The following RFX3 variants were observed in gnomAD, a reference collection of about 807,000 sequenced individuals.
RFX3 encodes the protein regulatory factor X3, also known as transcription factor RFX3.
In RFX3, 14 loss-of-function variants were observed where a neutral mutation model predicts 98.6. The ratio of observed to expected loss-of-function variants is 0.14; its 90% CI spans 0.09 to 0.22. The LOEUF (loss-of-function observed/expected upper bound fraction) is 0.22, where lower values mean the gene tolerates loss of function less well. Ranked by LOEUF, RFX3 falls within the 10% of genes least tolerant of loss-of-function variation. RFX3 has a pLI of 1.00. For missense variants in RFX3, 639 were observed against 926.9 expected (o/e 0.69, Z 4.03); for synonymous variants, 383 against 328.4 (o/e 1.17, Z -1.80).
At chr9:3,502,390 G>C (rs1422604744) in intron 1 of RFX3, among the ~76,000 whole-genome samples, 3 of 152,084 alleles carry the variant, frequency 2.0e-5, no homozygotes, top group African/African-American at 7.2e-5. Flanking sequence ...GTACCTTGAA[G>C]TACATTCTAT....
intron 2 of RFX3, among the ~76,000 whole-genome samples, chr9:3,385,481 C>T (rs1051893808): frequency 1.1e-4 from 16 of 151,910 alleles, no homozygotes; most frequent in Admixed American, 3.9e-4. Flanking sequence ...GAGGCTGAGA[C>T]GGGTAGATCA....
chr9:3,275,458 C>T, intron 9 of RFX3, 42 bp downstream of exon 9: 1 of 1,153,606 alleles, frequency 8.7e-7, no homozygotes, highest in Non-Finnish European at 1.3e-6. Context: ...AGTTATCTGG[C>T]AAAACCTAGC....
chr9:3,441,494 A>C (rs1002037259), intron 1 of RFX3, among the ~76,000 whole-genome samples: 2 of 152,154 alleles, frequency 1.3e-5, no homozygotes, highest in African/African-American at 4.8e-5. Context: ...TGAGAAACGG[A>C]TGATTCTGGC....
At chr9:3,494,569 T>C (rs1850971631) in intron 1 of RFX3, among the ~76,000 whole-genome samples, 1 of 152,190 alleles carries the variant, frequency 6.6e-6, no homozygotes, top group African/African-American at 2.4e-5. Flanking sequence ...AAGGCTTCAG[T>C]AAATCATAGT....
intron 2 of RFX3, 99 bp downstream of exon 2, chr9:3,395,373 G>A: frequency 1.4e-6 from 2 of 1,381,050 alleles, no homozygotes; most frequent in South Asian, 2.5e-5. Flanking sequence ...GCCTATCATA[G>A]CAAGACAGTA....
At chr9:3,524,991 G>C (rs1306603530) in intron 1 of RFX3, among the ~76,000 whole-genome samples, 6 of 151,926 alleles carry the variant, frequency 3.9e-5, no homozygotes, top group Admixed American at 1.3e-4. Flanking sequence ...GGGTGTGTGG[G>C]GGGGGGGAGA....
intron 1 of RFX3, among the ~76,000 whole-genome samples, chr9:3,480,799 C>T (rs1849688687): frequency 6.6e-6 from 1 of 151,280 alleles, no homozygotes; most frequent in Non-Finnish European, 1.5e-5. Flanking sequence ...ATTATACATG[C>T]CCTGCCTGTC....
chr9:3,489,972 T>C (rs1332895386), intron 1 of RFX3, among the ~76,000 whole-genome samples: 2 of 152,146 alleles, frequency 1.3e-5, no homozygotes, highest in African/African-American at 2.4e-5. Flanking sequence ...AAGGAAGGAA[T>C]TCTCTTCTGG....
intron 1 of RFX3, among the ~76,000 whole-genome samples, chr9:3,457,241 T>C (rs1384796797): frequency 6.6e-6 from 1 of 151,002 alleles, no homozygotes; most frequent in African/African-American, 2.4e-5. Context: ...CCTTTTCCTC[T>C]CTTTTTTGAA....
chr9:3,322,486 C>T (rs927943661), intron 4 of RFX3, among the ~76,000 whole-genome samples: 4 of 152,108 alleles, frequency 2.6e-5, no homozygotes, highest in Non-Finnish European at 4.4e-5. Context: ...AATCCCAGCA[C>T]TTTGGGAGGC....
At chr9:3,421,599 G>A (rs1843444967) in intron 1 of RFX3, among the ~76,000 whole-genome samples, 1 of 152,126 alleles carries the variant, frequency 6.6e-6, no homozygotes, top group African/African-American at 2.4e-5. Context: ...GCAAGTCCTT[G>A]ACCTATATGA....
chr9:3,366,693 C>CTTTCCTTTCTTTCTTT (rs1554681220), intron 2 of RFX3, among the ~76,000 whole-genome samples: 11 of 85,470 alleles, frequency 1.3e-4, no homozygotes, highest in African/African-American at 5.7e-4. Context: ...TTCTTTCTTT[C>CTTTCCTTTCTTTCTTT]CTTTCTTTCT....
At chr9:3,361,694 T>C (rs1836476282) in intron 2 of RFX3, among the ~76,000 whole-genome samples, 1 of 148,982 alleles carries the variant, frequency 6.7e-6, no homozygotes. Context: ...TAAAATAAAT[T>C]GCAAGAACTT....
At chr9:3,510,700 C>T (rs920289603) in intron 1 of RFX3, among the ~76,000 whole-genome samples, 10 of 151,956 alleles carry the variant, frequency 6.6e-5, no homozygotes, top group African/African-American at 2.2e-4. Flanking sequence ...GCATTAAATT[C>T]ATAAGGAAAT....
chr9:3,497,405 T>A (rs543310071), intron 1 of RFX3, among the ~76,000 whole-genome samples: 1 of 152,068 alleles, frequency 6.6e-6, no homozygotes, highest in Non-Finnish European at 1.5e-5. Context: ...TATTAAAGGA[T>A]AAAGAAAAAA....
Position 3,277,473 on chromosome 9 carries a change from A to G in RFX3, c.852-12T>C. On this transcript the variant is annotated splice_polypyrimidine_tract_variant and intron_variant, in intron 7 of 16. Coordinates refer to ENST00000617270, the MANE Select transcript of RFX3 (RefSeq NM_001282116.2). ...GCATAGGCTTGTACCTAAAAATATT[A>G]GATGGAAAAAAACAAATAAACCAAA... 2.5e-6 allele frequency: 4 copies of G among 1,609,724 alleles called. No individual in the cohort carries two copies. Among genetic ancestry groups the G allele is most frequent in the Non-Finnish European group, 1.7e-6 (2 of 1,177,170 alleles).
intron 1 of RFX3, among the ~76,000 whole-genome samples, chr9:3,475,216 A>G (rs1044398383): frequency 6.6e-6 from 1 of 152,098 alleles, no homozygotes; most frequent in Admixed American, 6.5e-5. Flanking sequence ...TGAACACTGT[A>G]GGGTCCAGCC....
intron 1 of RFX3, among the ~76,000 whole-genome samples, chr9:3,487,907 A>G (rs1306057936): frequency 6.6e-6 from 1 of 152,176 alleles, no homozygotes; most frequent in Non-Finnish European, 1.5e-5. Context: ...AAATTTGGAA[A>G]CAATTCCTTC....
intron 2 of RFX3, among the ~76,000 whole-genome samples, chr9:3,376,211 G>C (rs999522633): frequency 1.3e-5 from 2 of 152,154 alleles, no homozygotes; most frequent in Non-Finnish European, 2.9e-5. Flanking sequence ...TGTCAAGCAA[G>C]TAGAACTCTC....
Sources: allele counts gnomAD v4.1 joint callset (sites outside exome capture counted in the v4.1 genomes callset), GRCh38; gene constraint gnomAD v4.1.1; transcripts MANE v1.5; gene names NCBI Gene and HGNC (gene_info 2026-07-23, HGNC 2026-07-21).